Variants in KATNAL2 observed in about 807,000 individuals in gnomAD.
KATNAL2 encodes katanin p60 ATPase-containing subunit A-like 2.
In KATNAL2, 52 loss-of-function variants were observed where a neutral mutation model predicts 76.3. That is an observed-to-expected ratio of 0.68 (90% CI 0.55 to 0.86). KATNAL2 has a LOEUF of 0.86. KATNAL2 is among the 40% of genes least tolerant of loss of function. KATNAL2 has a pLI of 0.00. For synonymous variants in KATNAL2, 243 were observed against 244.2 expected, an observed-to-expected ratio of 1.00 and a Z score of 0.05; for missense variants, 660 against 668.9, an observed-to-expected ratio of 0.99 and a Z score of 0.15.
At chr18:47,033,012 G>C (rs1306342660) in intron 3 of KATNAL2, 1 of 1,613,984 alleles carries the variant, frequency 6.2e-7, no homozygotes, top group African/African-American at 1.3e-5. Flanking sequence ...TTTATCGTCG[G>C]GAGAATCTTC....
chr18:47,031,009 ATC>A lies in KATNAL2; in HGVS notation c.52-15445_52-15444del, dbSNP rs199811591. Among the ~76,000 whole-genome samples the A allele has an allele frequency of 2.8e-3, 30 of 10,678 alleles. 1 individual carries two copies. Among genetic ancestry groups the A allele is most frequent in the African/African-American group, 9.8e-3 (27 of 2,750 alleles). 7.0% of individuals were successfully genotyped at this position (10,678 alleles called of 152,430 possible). ...AGTCAACCAGCAGAATCCCTCTAGC[ATC>A]TCCCCCCCCCCCCCCCGCCCCCAAC... On this transcript the variant is annotated intron_variant, in intron 3 of 17. Coordinates refer to ENST00000683218, the MANE Select transcript of KATNAL2 (RefSeq NM_001387690.1).
rs946750020 is a variant in KATNAL2, at chr18:46,928,399, G to A, written c.-510+10473G>A. Among the ~76,000 whole-genome samples, 18 of 152,274 alleles carry A rather than the reference G, an allele frequency of 1.2e-4. 1 individual carries two copies. In the South Asian group the frequency reaches 2.5e-3, roughly 21 times the overall value. On this transcript the variant is annotated intron_variant, in intron 1 of 17. Coordinates refer to ENST00000683218, the MANE Select transcript of KATNAL2 (RefSeq NM_001387690.1). ...TCAGCAGCGGTGGCTGCAGAACAGC[G>A]GATATTGTGAACTGCAGATGCTGCT... is the stretch of plus-strand genomic sequence containing the variant.
At chr18:47,032,691 C>A in intron 3 of KATNAL2, 2 of 423,564 alleles carry the variant, frequency 4.7e-6, no homozygotes, top group Non-Finnish European at 8.3e-6. Context: ...AAAAGGAAAT[C>A]TCACATCTTT....
At chr18:47,071,061 C>T (rs530331486) in intron 13 of KATNAL2, among the ~76,000 whole-genome samples, 4 of 152,248 alleles carry the variant, frequency 2.6e-5, no homozygotes, top group African/African-American at 9.6e-5. Context: ...CAACAAAATA[C>T]AGTATTCACA....
intron 3 of KATNAL2, among the ~76,000 whole-genome samples, chr18:46,953,345 A>G (rs1016978968): frequency 6.6e-6 from 1 of 152,122 alleles, no homozygotes; most frequent in Non-Finnish European, 1.5e-5. Context: ...TATTTTTAAG[A>G]ATGAGTCATC....
At chr18:47,045,329 CT>C (rs10533284) in intron 3 of KATNAL2, among the ~76,000 whole-genome samples, 6,872 of 139,352 alleles carry the variant, frequency 0.049, 363 homozygotes, top group African/African-American at 0.15. Context: ...CTTTTCTTTT[CT>C]TTTTTTTTTT....
intron 1 of KATNAL2, among the ~76,000 whole-genome samples, chr18:46,920,481 C>T (rs1191455599): frequency 6.6e-6 from 1 of 152,186 alleles, no homozygotes; most frequent in Non-Finnish European, 1.5e-5. Context: ...CTTTGATACT[C>T]ACTCTGCCTC....
chr18:46,944,442 C>T (rs1196297246), intron 1 of KATNAL2, among the ~76,000 whole-genome samples: 4 of 151,952 alleles, frequency 2.6e-5, no homozygotes, highest in South Asian at 2.1e-4. Context: ...TTCAAGTATA[C>T]GGGATGGGTT....
intron 15 of KATNAL2, among the ~76,000 whole-genome samples, chr18:47,078,720 AC>A (rs1415694872): frequency 6.6e-6 from 1 of 152,086 alleles, no homozygotes; most frequent in Non-Finnish European, 1.5e-5. Flanking sequence ...AGGACCTTCT[AC>A]CCCCAGTGAA....
chr18:47,062,821 T>A, intron 8 of KATNAL2, 151 bp from the exon 9 acceptor site: 1 of 536,204 alleles, frequency 1.9e-6, no homozygotes, highest in Non-Finnish European at 3.3e-6. Flanking sequence ...TCATCACGTT[T>A]AATACTAGTG....
chr18:46,919,059 A>G (rs377678221), intron 1 of KATNAL2, among the ~76,000 whole-genome samples: 3 of 151,656 alleles, frequency 2.0e-5, no homozygotes, highest in Admixed American at 6.6e-5. Flanking sequence ...ACACACACAC[A>G]TATTGTTTTG....
chr18:47,064,006 C>A (rs1409007391), intron 10 of KATNAL2, among the ~76,000 whole-genome samples: 2 of 152,160 alleles, frequency 1.3e-5, no homozygotes, highest in Non-Finnish European at 2.9e-5. Context: ...TAATTGAAGA[C>A]TGAAACCTAG....
At chr18:47,044,570 C>T (rs189846837) in intron 3 of KATNAL2, among the ~76,000 whole-genome samples, 59 of 151,370 alleles carry the variant, frequency 3.9e-4, no homozygotes, top group Admixed American at 2.8e-3. Context: ...ACCAGCCTGG[C>T]GAACATGGCA....
chr18:47,056,535 G>A (rs1485421087), intron 6 of KATNAL2, among the ~76,000 whole-genome samples: 1 of 152,158 alleles, frequency 6.6e-6, no homozygotes, highest in African/African-American at 2.4e-5. Flanking sequence ...AGGGCGATTG[G>A]GCCTTTTCTG....
intron 6 of KATNAL2, among the ~76,000 whole-genome samples, chr18:47,055,767 G>A (rs538561142): frequency 2.6e-5 from 4 of 152,194 alleles, no homozygotes; most frequent in Non-Finnish European, 4.4e-5. Context: ...AACCTTCTCA[G>A]CATTCTTCCC....
At chr18:47,100,038 T>G (rs1249605373) in intron 16 of KATNAL2, among the ~76,000 whole-genome samples, 1 of 152,176 alleles carries the variant, frequency 6.6e-6, no homozygotes, top group Non-Finnish European at 1.5e-5. Flanking sequence ...TTCGATGGTG[T>G]TAGAAAGCCA....
intron 17 of KATNAL2, 91 bp downstream of exon 17, chr18:47,100,447 C>T (rs748197719): frequency 6.7e-5 from 68 of 1,012,562 alleles, no homozygotes; most frequent in Non-Finnish European, 9.9e-5. Context: ...TTCTTGGTGC[C>T]GCTTTACACT....
intron 3 of KATNAL2, among the ~76,000 whole-genome samples, chr18:46,949,653 C>T (rs569926614): frequency 6.0e-4 from 91 of 152,340 alleles, no homozygotes; most frequent in Middle Eastern, 3.4e-3. Flanking sequence ...TTGCTCAAAT[C>T]GTAATTCTGG....
rs2060632933 is a variant in KATNAL2, at chr18:47,034,075, T to A, written c.52-12382T>A. 1.9e-6 allele frequency: 3 copies of A among 1,614,124 alleles called. No homozygotes were observed. Among genetic ancestry groups the A allele is most frequent in the Non-Finnish European group, 2.5e-6 (3 of 1,180,052 alleles). On this transcript the variant is annotated intron_variant, in intron 3 of 17. Transcript: ENST00000683218. ...AGTGGTGGCAGATTTTCCAGTCTTTTTCTTTTGCTTCCGCAACTGATCGTA... is the reference window on the plus strand; with the variant it reads ...AGTGGTGGCAGATTTTCCAGTCTTTATCTTTTGCTTCCGCAACTGATCGTA...
Sources: gnomAD v4.1 joint callset for allele counts (sites outside exome capture counted in the v4.1 genomes callset) on GRCh38, gnomAD v4.1.1 for gene constraint, MANE v1.5 for transcripts, NCBI Gene and HGNC (gene_info 2026-07-23, HGNC 2026-07-21) for gene names.